The following MYO9A variants were observed in gnomAD, a reference collection of about 807,000 sequenced individuals.
The protein encoded by MYO9A is unconventional myosin-IXa.
MYO9A carries 103 observed loss-of-function variants against 293.3 expected under a neutral mutation model. The ratio of observed to expected loss-of-function variants is 0.35; its 90% CI spans 0.30 to 0.41. MYO9A has a LOEUF of 0.41. Ranked by LOEUF, MYO9A falls within the 10% of genes least tolerant of loss-of-function variation. The pLI is 1.00. For missense variants in MYO9A, 2,685 were observed against 3,033.0 expected, an observed-to-expected ratio of 0.89 and a Z score of 2.69; for synonymous variants, 1,001 against 1,035.7, an observed-to-expected ratio of 0.97 and a Z score of 0.64.
intron 39 of MYO9A, among the ~76,000 whole-genome samples, chr15:71,835,061 C>T (rs2054884961): frequency 6.6e-6 from 1 of 151,896 alleles, no homozygotes; most frequent in African/African-American, 2.4e-5. Context: ...CTGATAAAAC[C>T]TCAATACATG....
intron 30 of MYO9A, 59 bp downstream of exon 30, chr15:71,879,662 C>T (rs984712755): frequency 1.5e-5 from 18 of 1,233,180 alleles, no homozygotes; most frequent in African/African-American, 1.2e-4. Flanking sequence ...TCTTCTACAG[C>T]GCTATCAAAT....
chr15:71,835,099 A>C (rs1157266564), intron 39 of MYO9A, among the ~76,000 whole-genome samples: 1 of 152,204 alleles, frequency 6.6e-6, no homozygotes, highest in African/African-American at 2.4e-5. Context: ...AAAATTCAAC[A>C]TTCTGTCACA....
intron 11 of MYO9A, among the ~76,000 whole-genome samples, chr15:71,987,158 T>G (rs2076427705): frequency 6.6e-6 from 1 of 152,188 alleles, no homozygotes; most frequent in Admixed American, 6.5e-5. Context: ...TCATATAGCC[T>G]AGGTGTGTAG....
At chr15:71,894,463 G>A (rs766472102) in intron 25 of MYO9A, among the ~76,000 whole-genome samples, 5 of 152,150 alleles carry the variant, frequency 3.3e-5, no homozygotes, top group Non-Finnish European at 2.9e-5. Flanking sequence ...TGTAGTCCCA[G>A]GTACTTGGAA....
intron 11 of MYO9A, among the ~76,000 whole-genome samples, chr15:71,989,535 T>G (rs921405610): frequency 1.3e-5 from 2 of 152,206 alleles, no homozygotes. Context: ...GTTGAATGCT[T>G]GGATGTAAAA....
At chr15:71,943,291 A>G (rs1737256953) in intron 15 of MYO9A, among the ~76,000 whole-genome samples, 1 of 151,866 alleles carries the variant, frequency 6.6e-6, no homozygotes, top group Admixed American at 6.6e-5. Context: ...AATTATACTG[A>G]TTTCCTAAAC....
chr15:71,975,317 T>TGC (rs1299011092), intron 12 of MYO9A, among the ~76,000 whole-genome samples: 2 of 150,696 alleles, frequency 1.3e-5, no homozygotes, highest in Non-Finnish European at 3.0e-5. Context: ...TGTGTGTGTG[T>TGC]GTGTGTAGGT....
At chr15:71,871,418 G>A (rs1473708945) in intron 32 of MYO9A, among the ~76,000 whole-genome samples, 1 of 151,688 alleles carries the variant, frequency 6.6e-6, no homozygotes, top group African/African-American at 2.4e-5. Context: ...AGGTATGAAT[G>A]GACAGGTATG....
intron 19 of MYO9A, among the ~76,000 whole-genome samples, chr15:71,905,836 T>C (rs2143951384): frequency 6.6e-6 from 1 of 151,730 alleles, no homozygotes; most frequent in African/African-American, 2.4e-5. Flanking sequence ...GTTTTGTCTA[T>C]TTTTCTGTTT....
chr15:71,990,754 C>A (rs369629082), intron 11 of MYO9A, among the ~76,000 whole-genome samples: 330 of 129,214 alleles, frequency 2.6e-3, no homozygotes, highest in Middle Eastern at 4.0e-3. Flanking sequence ...GAGACTCAGT[C>A]AAAAAAAAAA....
chr15:71,933,095 A>G (rs1244486573), intron 18 of MYO9A, among the ~76,000 whole-genome samples: 2 of 152,164 alleles, frequency 1.3e-5, no homozygotes, highest in Non-Finnish European at 2.9e-5. Context: ...TATTGTTTAT[A>G]TGGGTTAAAA....
At chr15:72,009,965 T>G (rs551801589) in intron 7 of MYO9A, among the ~76,000 whole-genome samples, 2 of 152,294 alleles carry the variant, frequency 1.3e-5, no homozygotes, top group East Asian at 3.9e-4. Context: ...CACTGAAAAT[T>G]AAATACTATG....
intron 1 of MYO9A, among the ~76,000 whole-genome samples, chr15:72,101,372 A>G (rs1251076893): frequency 0.028 from 2,195 of 77,920 alleles, no homozygotes; most frequent in African/African-American, 0.046. Context: ...CAGCCGCCCC[A>G]TCTGGGAGGT....
chr15:71,885,077 C>G (rs1212838904), intron 27 of MYO9A, among the ~76,000 whole-genome samples: 3 of 151,754 alleles, frequency 2.0e-5, no homozygotes, highest in African/African-American at 7.3e-5. Context: ...CCATGCTCAC[C>G]CCATTTTCTG....
chr15:72,013,926 T>C (rs1046085337), intron 6 of MYO9A, among the ~76,000 whole-genome samples: 2 of 152,144 alleles, frequency 1.3e-5, no homozygotes, highest in Non-Finnish European at 2.9e-5. Flanking sequence ...CCTCACCCTC[T>C]TGAGGAATAG....
In MYO9A at chr15:71,899,728, G is replaced by C; in HGVS notation, c.3429C>G (p.Ile1143Met). Residue 1143 changes from isoleucine (I) to methionine (M), a missense_variant, in exon 24 of 42, where the codon ATC becomes ATG. By Grantham distance (10) the Ile-to-Met change is conservative. Transcript: ENST00000356056. The part of the protein sequence containing the change: ...KRYQEQRKKI[I>M]LLQSTCRGFR... ...ATCCTCTACATGTTGATTGCAAAAGGATAATTTTTTTCCTTTGTTCTTGGT... is the reference window on the plus strand; with the variant it reads ...ATCCTCTACATGTTGATTGCAAAAGCATAATTTTTTTCCTTTGTTCTTGGT... 1 of 1,613,972 alleles carries C rather than the reference G, an allele frequency of 6.2e-7. No individual in the cohort carries two copies. Among genetic ancestry groups the C allele is most frequent in the East Asian group, 2.2e-5 (1 of 44,882 alleles).
intron 17 of MYO9A, among the ~76,000 whole-genome samples, chr15:71,934,232 GAA>G (rs1023468241): frequency 6.6e-6 from 1 of 151,906 alleles, no homozygotes; most frequent in Non-Finnish European, 1.5e-5. Context: ...TATGGCCACA[GAA>G]AAGAAGGAAT....
Position 71,981,629 on chromosome 15 carries a change from T to C in MYO9A, c.1723-3337A>G, listed in dbSNP as rs1348190909. Among the ~76,000 whole-genome samples, 4 of 145,210 alleles carry C rather than the reference T, an allele frequency of 2.8e-5. No individual in the cohort carries two copies. The East Asian group carries it at 8.5e-4, about 31-fold the overall frequency. On this transcript the variant is annotated intron_variant, in intron 11 of 41. Coordinates refer to ENST00000356056, the MANE Select transcript of MYO9A (RefSeq NM_006901.4). Reference sequence around the variant, plus strand: ...CTGGGATTTTGGTTATTTATATCCCTCTCTCTGTCTTGTCTCTCTCTCTCT... The same window carrying C: ...CTGGGATTTTGGTTATTTATATCCCCCTCTCTGTCTTGTCTCTCTCTCTCT...
At chr15:71,848,736 G>GT (rs1221500596) in intron 39 of MYO9A, 109 bp downstream of exon 39, 56 of 1,320,776 alleles carry the variant, frequency 4.2e-5, no homozygotes, top group Non-Finnish European at 5.3e-5. Context: ...CGTTTTACTT[G>GT]TTTTTTATAA....
Sources: gnomAD v4.1 joint callset for allele counts (sites outside exome capture counted in the v4.1 genomes callset) on GRCh38, gnomAD v4.1.1 for gene constraint, MANE v1.5 for transcripts, NCBI Gene and HGNC (gene_info 2026-07-23, HGNC 2026-07-21) for gene names.